The following UNC93A variants were observed in gnomAD, a reference collection of about 807,000 sequenced individuals.
The protein encoded by UNC93A is N-acetylglucosamine transporter UNC93A.
UNC93A carries 43 observed loss-of-function variants against 47.5 expected under a neutral mutation model. The ratio of observed to expected loss-of-function variants is 0.91; its 90% CI spans 0.71 to 1.17. The LOEUF is 1.17. UNC93A is among the 50% of genes most tolerant of loss of function. The probability of loss-of-function intolerance (pLI) is 0.00; values close to 1 mark genes in which losing one functional copy is unlikely to be tolerated. For synonymous variants in UNC93A, 280 were observed against 258.0 expected, an observed-to-expected ratio of 1.09 and a Z score of -0.82; for missense variants, 605 against 577.6, an observed-to-expected ratio of 1.05 and a Z score of -0.49.
At chr6:167,311,576 T>A (rs186263923) in intron 7 of UNC93A, among the ~76,000 whole-genome samples, 2 of 152,314 alleles carry the variant, frequency 1.3e-5, no homozygotes, top group Admixed American at 1.3e-4. Flanking sequence ...GGTGATAAAC[T>A]CAGAAAATCT....
intron 1 of UNC93A, among the ~76,000 whole-genome samples, chr6:167,292,112 G>A (rs1783855244): frequency 6.6e-6 from 1 of 152,196 alleles, no homozygotes; most frequent in Non-Finnish European, 1.5e-5. Context: ...TTCTCCGAAA[G>A]GCTGCAGCAT....
chr6:167,307,992 C>T, intron 7 of UNC93A, 82 bp downstream of exon 7: 3 of 1,559,508 alleles, frequency 1.9e-6, no homozygotes, highest in Non-Finnish European at 2.6e-6. Context: ...TCATTAGATG[C>T]CAATGGGCCA....
intron 4 of UNC93A, among the ~76,000 whole-genome samples, chr6:167,299,775 G>A (rs144790081): frequency 4.6e-5 from 7 of 152,322 alleles, no homozygotes; most frequent in Admixed American, 2.0e-4. Context: ...CCCTGGAGGC[G>A]AGATGTCCAG....
chr6:167,286,934 C>A (rs142999641), upstream of UNC93A, among the ~76,000 whole-genome samples: 49 of 146,380 alleles, frequency 3.3e-4, no homozygotes, highest in Non-Finnish European at 1.8e-4. Context: ...GCCAAGATCG[C>A]GCCACTGCAC....
intron 1 of UNC93A, among the ~76,000 whole-genome samples, chr6:167,282,164 G>T (rs1232164927): frequency 6.6e-6 from 1 of 152,166 alleles, no homozygotes; most frequent in African/African-American, 2.4e-5. Context: ...TTCAGACAGG[G>T]TGATGTAGAG....
chr6:167,307,997 G>A, intron 7 of UNC93A, 87 bp downstream of exon 7: 1 of 1,551,494 alleles, frequency 6.4e-7, no homozygotes. Context: ...AGATGCCAAT[G>A]GGCCAGAGCC....
intron 1 of UNC93A, among the ~76,000 whole-genome samples, chr6:167,292,885 G>A (rs1783872585): frequency 6.6e-6 from 1 of 152,062 alleles, no homozygotes; most frequent in Non-Finnish European, 1.5e-5. Context: ...TGGCACAGCA[G>A]CTCCCCTGGG....
At chr6:167,291,255 A>G (rs568487504), upstream of UNC93A, 2 of 387,866 alleles carry the variant, frequency 5.2e-6, no homozygotes, top group Non-Finnish European at 9.2e-6. Flanking sequence ...TGGATCACAG[A>G]GAAGGTAAAT....
intron 1 of UNC93A, among the ~76,000 whole-genome samples, chr6:167,276,858 C>G (rs2115075646): frequency 6.6e-6 from 1 of 152,240 alleles, no homozygotes; most frequent in East Asian, 1.9e-4. Flanking sequence ...CTGCTTTGAC[C>G]TTTGGTACCA....
intron 1 of UNC93A, among the ~76,000 whole-genome samples, chr6:167,272,899 G>A (rs368989129): frequency 9.9e-5 from 15 of 152,274 alleles, no homozygotes; most frequent in African/African-American, 3.6e-4. Flanking sequence ...AGTGCTGTAG[G>A]ATATAATGAG....
chr6:167,284,652 C>A (rs568069651), intron 1 of UNC93A, among the ~76,000 whole-genome samples: 1 of 152,410 alleles, frequency 6.6e-6, no homozygotes, highest in East Asian at 1.9e-4. Context: ...ATTAACTGAA[C>A]ACACTGGGTA....
intron 7 of UNC93A, among the ~76,000 whole-genome samples, chr6:167,314,425 C>T (rs1273304195): frequency 6.6e-6 from 1 of 152,144 alleles, no homozygotes; most frequent in Non-Finnish European, 1.5e-5. Flanking sequence ...CTGCCACTGT[C>T]CCTGCTCCTG....
intron 1 of UNC93A, among the ~76,000 whole-genome samples, chr6:167,286,068 T>C (rs1261044229): frequency 6.8e-6 from 1 of 146,018 alleles, no homozygotes; most frequent in Non-Finnish European, 1.5e-5. Flanking sequence ...CATATGGCTA[T>C]ATGAATATAT....
intron 1 of UNC93A, among the ~76,000 whole-genome samples, chr6:167,281,780 G>A (rs1783638338): frequency 6.6e-6 from 1 of 152,188 alleles, no homozygotes; most frequent in Admixed American, 6.5e-5. Flanking sequence ...TTCAGAAGCT[G>A]GCCCAGCCCG....
At chr6:167,286,448 C>T (rs889529930), upstream of UNC93A, among the ~76,000 whole-genome samples, 5 of 152,226 alleles carry the variant, frequency 3.3e-5, no homozygotes, top group African/African-American at 7.2e-5. Flanking sequence ...TGCTGACACT[C>T]GCTGAGATTT....
In UNC93A at chr6:167,315,248, G is replaced by T; in HGVS notation, c.1170G>T (p.Trp390Cys). 6.2e-7 allele frequency: 1 copy of T among 1,613,776 alleles called. No homozygotes were observed. Among genetic ancestry groups the T allele is most frequent in the Non-Finnish European group, 8.5e-7 (1 of 1,179,858 alleles). The change falls in exon 8 of 8, where the codon TGG (tryptophan) becomes TGT (cysteine). Residue 390 changes from tryptophan to cysteine, a missense_variant. Trp to Cys is a radical substitution (Grantham distance 215, BLOSUM62 -2). Transcript: ENST00000230256. ...KEAAFANYRL[W>C]EALGFVIAFG... ...CTGCCTTCGCCAATTACCGCCTGTG[G>T]GAGGCCCTGGGCTTCGTCATTGCCT...
intron 1 of UNC93A, among the ~76,000 whole-genome samples, chr6:167,280,565 A>G (rs912065023): frequency 2.9e-4 from 44 of 152,124 alleles, no homozygotes; most frequent in African/African-American, 1.1e-3. Context: ...AGAATTATGA[A>G]TATCTCAGTC....
At position 167,296,231 on chromosome 6, in the gene UNC93A, T is replaced by A. The variant is rs1160513988; in HGVS notation, c.469T>A (p.Ser157Thr). Residue 157 changes from serine to threonine, a missense_variant, in exon 3 of 8, where the codon TCG (serine) becomes ACG (threonine). Physicochemically the swap from Ser to Thr is moderately conservative, Grantham distance 58. Coordinates refer to ENST00000230256, the MANE Select transcript of UNC93A (RefSeq NM_018974.4). ...CGGTGTGTGGGGCAACTTGATCTCA[T>A]CGCTGGTATTTGGCCAGACTCCCAG... Reference protein sequence around the residue: ...SSGVWGNLISSLVFGQTPSQE... With the variant: ...SSGVWGNLISTLVFGQTPSQE... 2.5e-6 allele frequency: 4 copies of A among 1,614,224 alleles called. No individual in the cohort carries two copies. The highest frequency in any genetic ancestry group is 3.4e-6 in the Non-Finnish European group (4 of 1,180,046).
chr6:167,294,149 T>C (rs2072763), intron 1 of UNC93A, among the ~76,000 whole-genome samples: 77,461 of 151,954 alleles, frequency 0.51, 22,740 homozygotes, highest in African/African-American at 0.81. Context: ...GCACGCAGGC[T>C]CCTCACAGAT....
Sources: gnomAD v4.1 joint callset for allele counts (sites outside exome capture counted in the v4.1 genomes callset) on GRCh38, gnomAD v4.1.1 for gene constraint, MANE v1.5 for transcripts, NCBI Gene and HGNC (gene_info 2026-07-23, HGNC 2026-07-21) for gene names.